CCND1: variants seen among roughly 807,000 people sequenced by gnomAD.
The protein encoded by CCND1 is G1/S-specific cyclin-D1.
Under a neutral mutation model 26.1 loss-of-function variants are expected in CCND1, and 9 were observed. The ratio of observed to expected loss-of-function variants is 0.35; its 90% confidence interval spans 0.21 to 0.60. CCND1 has a LOEUF of 0.60. Ranked by LOEUF, CCND1 falls within the 20% of genes least tolerant of loss-of-function variation. The probability of loss-of-function intolerance (pLI) is 0.79; values close to 1 mark genes in which losing one functional copy is unlikely to be tolerated. For synonymous variants in CCND1, 194 were observed against 166.1 expected, an observed-to-expected ratio of 1.17 and a Z score of -1.29; for missense variants, 335 against 392.9, an observed-to-expected ratio of 0.85 and a Z score of 1.25.
At position 69,653,204 on chromosome 11, in the gene CCND1, C is replaced by A. The variant is rs1490143659; in HGVS notation, c.*1922C>A. On this transcript the variant is annotated 3_prime_UTR_variant, in exon 5 of 5. Coordinates refer to ENST00000227507, the MANE Select transcript of CCND1 (RefSeq NM_053056.3). ...GGCTCCCGAGGGGAAGGGGCGGTGC[C>A]CACACCGGGGACAGGCCGCAGCTCC... is the stretch of plus-strand genomic sequence containing the variant. The A allele has an allele frequency of 1.5e-6, 1 of 688,882 alleles. No individual in the cohort carries two copies. The highest frequency in any genetic ancestry group is 2.6e-6 in the Non-Finnish European group (1 of 378,644). The allele number at this position is 688,882 out of a possible 1,614,324, so 42.7% of individuals were successfully genotyped here. A position where few individuals can be genotyped will look rare whatever the true frequency, so the allele number is the denominator to read the frequency against.
At chr11:69,648,852 C>T (rs776775497) in intron 4 of CCND1, among the ~76,000 whole-genome samples, 88 of 152,144 alleles carry the variant, frequency 5.8e-4, no homozygotes, top group Non-Finnish European at 3.4e-4. Context: ...GCCTGGGCCG[C>T]CTCTTGGTGG....
intron 3 of CCND1, among the ~76,000 whole-genome samples, chr11:69,646,241 G>A (rs531919820): frequency 4.6e-5 from 7 of 152,290 alleles, no homozygotes; most frequent in Admixed American, 1.3e-4. Flanking sequence ...CATGGCTCCC[G>A]GCTCTCAGAC....
rs563249317 is a variant in CCND1 at position 69,643,565 on chromosome 11, G to T, written c.415-267G>T. On this transcript the variant is annotated intron_variant, in intron 2 of 4. Transcript: ENST00000227507. ...GGCGCTGAGCCTCCAGTTCCAGGTG[G>T]TGGGAGGTCTTTTTGTTTCCACTTG... The T allele has an allele frequency of 8.9e-6, 4 of 450,906 alleles. No individual in the cohort carries two copies. In the East Asian group the frequency reaches 1.4e-4, roughly 16 times the overall value. 27.9% of individuals were successfully genotyped at this position (450,906 alleles called of 1,614,324 possible). A position where few individuals can be genotyped will look rare whatever the true frequency, so the allele number is the denominator to read the frequency against.
rs1209258531 is a variant in CCND1 at position 69,654,272 on chromosome 11, C to T, written c.*2990C>T. 5.7e-6 allele frequency: 4 copies of T among 702,566 alleles called. No homozygotes were observed. The highest frequency in any genetic ancestry group is 2.3e-4 in the Middle Eastern group (1 of 4,370). The allele number at this position is 702,566 out of a possible 1,614,324, so 43.5% of individuals were successfully genotyped here. On this transcript the variant is annotated 3_prime_UTR_variant, in exon 5 of 5. Transcript: ENST00000227507. The surrounding 1 kb of genome is among the most constrained non-coding windows in gnomAD (Gnocchi z 6.3). Reference sequence around the variant, plus strand: ...CTGGATGTTGTGTGTATCGAGAGGCCAAAGGCTGGTGGCAAGTGCACGGGG... The same window carrying T: ...CTGGATGTTGTGTGTATCGAGAGGCTAAAGGCTGGTGGCAAGTGCACGGGG...
At position 69,641,466 on chromosome 11, in the gene CCND1, G is replaced by C. The variant is rs772785280; in HGVS notation, c.153G>C (p.Glu51Asp). The C allele has an allele frequency of 6.2e-7, 1 of 1,613,404 alleles. No homozygotes were observed. The highest frequency in any genetic ancestry group is 8.5e-7 in the Non-Finnish European group (1 of 1,180,012). Residue 51 changes from glutamate (E) to aspartate (D), a missense_variant, in exon 1 of 5, where the codon GAG becomes GAC. By Grantham distance (45) the Glu-to-Asp change is conservative (BLOSUM62 2). Transcript: ENST00000227507. ...SVSYFKCVQK[E>D]VLPSMRKIVA... Reference sequence around the variant, plus strand: ...CCTACTTCAAATGTGTGCAGAAGGAGGTCCTGCCGTCCATGCGGAAGATCG... The same window carrying C: ...CCTACTTCAAATGTGTGCAGAAGGACGTCCTGCCGTCCATGCGGAAGATCG...
Position 69,652,749 on chromosome 11 carries a change from T to C in CCND1, c.*1467T>C, listed in dbSNP as rs559944633. 1.6e-4 allele frequency: 38 copies of C among 230,436 alleles called. No homozygotes were observed. Among genetic ancestry groups the C allele is most frequent in the Non-Finnish European group, 2.6e-4 (31 of 117,930 alleles). The allele number at this position is 230,436 out of a possible 1,614,324, so 14.3% of individuals were successfully genotyped here. A position where few individuals can be genotyped will look rare whatever the true frequency, so the allele number is the denominator to read the frequency against. ...TCATAAGGCCAGTATGATTTATAAA[T>C]GCAATCTCCCCTTGATTTAAACACA... On this transcript the variant is annotated 3_prime_UTR_variant, in exon 5 of 5. Transcript: ENST00000227507.
chr11:69,651,467 A>G lies in CCND1; in HGVS notation c.*185A>G, dbSNP rs967532519. On this transcript the variant is annotated 3_prime_UTR_variant, in exon 5 of 5. Coordinates refer to ENST00000227507, the MANE Select transcript of CCND1 (RefSeq NM_053056.3). The stretch of plus-strand genomic sequence containing the variant: ...TCCATCTCTGACTTAAGCAAAAGAA[A>G]AAGATTACCCAAAAACTGTCTTTAA... 2.1e-6 allele frequency: 1 copy of G among 481,982 alleles called. No homozygotes were observed. Among genetic ancestry groups the G allele is most frequent in the African/African-American group, 2.0e-5 (1 of 49,666 alleles). The allele number at this position is 481,982 out of a possible 1,614,324, so 29.9% of individuals were successfully genotyped here.
At chr11:69,643,444 G>A (rs1277345983) in intron 2 of CCND1, 198 bp downstream of exon 2, 17 of 487,004 alleles carry the variant, frequency 3.5e-5, no homozygotes, top group Non-Finnish European at 4.9e-5. Flanking sequence ...CCCTGTGTGC[G>A]CTTGCCTGCG....
chr11:69,647,479 G>C (rs1176412906), intron 3 of CCND1, among the ~76,000 whole-genome samples: 2 of 151,320 alleles, frequency 1.3e-5, no homozygotes, highest in Non-Finnish European at 3.0e-5. Flanking sequence ...CAGCCCCGTG[G>C]CCTGGCCCGG....
At chr11:69,649,065 C>T (rs1007407383) in intron 4 of CCND1, among the ~76,000 whole-genome samples, 7 of 152,344 alleles carry the variant, frequency 4.6e-5, no homozygotes, top group Middle Eastern at 3.4e-3. Context: ...TCTGTGTTCT[C>T]GGCCATGGCC....
rs1855901232 is a variant in CCND1 at position 69,654,330 on chromosome 11, TGAGGGTC to T, written c.*3049_*3055del. 2.8e-6 allele frequency: 2 copies of T among 702,434 alleles called. No individual in the cohort carries two copies. The highest frequency in any genetic ancestry group is 2.0e-5 in the Admixed American group (1 of 49,998). The allele number at this position is 702,434 out of a possible 1,614,324, so 43.5% of individuals were successfully genotyped here. ...GAGTCTGTCCTGTGACGCGCAAGTC[TGAGGGTC>T]TGGGCGGCGGGCGGCTGGGTCTGTG... On this transcript the variant is annotated 3_prime_UTR_variant, in exon 5 of 5. Coordinates refer to ENST00000227507, the MANE Select transcript of CCND1 (RefSeq NM_053056.3). This position sits in a 1 kb window ranked among gnomAD's most constrained non-coding sequence, Gnocchi z 6.3.
In CCND1 at chr11:69,651,327, G is replaced by A. The variant is rs1217235549; in HGVS notation, c.*45G>A. The A allele has an allele frequency of 2.8e-6, 4 of 1,412,822 alleles. No homozygotes were observed. Among genetic ancestry groups the A allele is most frequent in the Admixed American group, 6.2e-5 (2 of 32,342 alleles). 87.5% of individuals were successfully genotyped at this position (1,412,822 alleles called of 1,614,324 possible). On this transcript the variant is annotated 3_prime_UTR_variant, in exon 5 of 5. Transcript: ENST00000227507. ...GCCACCGCCACCCGCAGCGAGGGCG[G>A]AGCCGGCCCCAGGTGCTCCCCTGAC...
chr11:69,641,458 C>G lies in CCND1; in HGVS notation c.145C>G (p.Gln49Glu), dbSNP rs1855698868. The G allele has an allele frequency of 6.2e-7, 1 of 1,613,310 alleles. No homozygotes were observed. Among genetic ancestry groups the G allele is most frequent in the Non-Finnish European group, 8.5e-7 (1 of 1,180,028 alleles). Residue 49 changes from glutamine to glutamate, a missense_variant, in exon 1 of 5, where the codon CAG becomes GAG. By Grantham distance (29) the Gln-to-Glu change is conservative. Coordinates refer to ENST00000227507, the MANE Select transcript of CCND1 (RefSeq NM_053056.3). ...APSVSYFKCVQKEVLPSMRKI... is the reference protein window; with the variant it reads ...APSVSYFKCVEKEVLPSMRKI... ...CTCGGTGTCCTACTTCAAATGTGTG[C>G]AGAAGGAGGTCCTGCCGTCCATGCG...
rs764757265 is a variant in CCND1 at position 69,651,215 on chromosome 11, A to G, written c.821A>G (p.Glu274Gly). 1 of 1,604,150 alleles carries G rather than the reference A, an allele frequency of 6.2e-7. No individual in the cohort carries two copies. Among genetic ancestry groups the G allele is most frequent in the Admixed American group, 1.7e-5 (1 of 59,272 alleles). The change falls in exon 5 of 5, where the codon GAG (glutamate) becomes GGG (glycine). Residue 274 changes from glutamate (E) to glycine (G), a missense_variant. Glu to Gly is a moderately conservative substitution (Grantham distance 98). Transcript: ENST00000227507. ...ATGGACCCCAAGGCCGCCGAGGAGG[A>G]GGAAGAGGAGGAGGAGGAGGTGGAC... ...QNMDPKAAEE[E>G]EEEEEEVDLA...
intron 3 of CCND1, among the ~76,000 whole-genome samples, chr11:69,646,993 G>C (rs984882363): frequency 1.3e-5 from 2 of 152,142 alleles, no homozygotes; most frequent in African/African-American, 4.8e-5. Flanking sequence ...CTTGGAAGTG[G>C]GCCCAGATGT....
rs1170573426 is a variant in CCND1 at position 69,654,048 on chromosome 11, C to T, written c.*2766C>T. 2.3e-5 allele frequency: 14 copies of T among 602,818 alleles called. No individual in the cohort carries two copies. The highest frequency in any genetic ancestry group is 3.3e-5 in the Non-Finnish European group (11 of 337,886). The allele number at this position is 602,818 out of a possible 1,614,324, so 37.3% of individuals were successfully genotyped here. Reference sequence around the variant, plus strand: ...AACCAAAAGAATTTGCACCCCGCTGCGGGCCCACGTGGTTGGGGCCCTGCC... The same window carrying T: ...AACCAAAAGAATTTGCACCCCGCTGTGGGCCCACGTGGTTGGGGCCCTGCC... On this transcript the variant is annotated 3_prime_UTR_variant, in exon 5 of 5. Coordinates refer to ENST00000227507, the MANE Select transcript of CCND1 (RefSeq NM_053056.3). The surrounding 1 kb of genome is among the most constrained non-coding windows in gnomAD (Gnocchi z 6.3).
In CCND1 at chr11:69,643,893, A is replaced by G. The variant is rs749340325; in HGVS notation, c.476A>G (p.Asp159Gly). 1 of 1,613,622 alleles carries G rather than the reference A, an allele frequency of 6.2e-7. No individual in the cohort carries two copies. Residue 159 changes from aspartate (D) to glycine (G), a missense_variant, in exon 3 of 5, where the codon GAT becomes GGT. Asp to Gly is a moderately conservative substitution (Grantham distance 94). Coordinates refer to ENST00000227507, the MANE Select transcript of CCND1 (RefSeq NM_053056.3). Reference sequence around the variant, plus strand: ...AACCTGGCCGCAATGACCCCGCACGATTTCATTGAACACTTCCTCTCCAAA... The same window carrying G: ...AACCTGGCCGCAATGACCCCGCACGGTTTCATTGAACACTTCCTCTCCAAA... Reference protein sequence around the residue: ...KWNLAAMTPHDFIEHFLSKMP... With the variant: ...KWNLAAMTPHGFIEHFLSKMP...
rs56232834 is a variant in CCND1 at position 69,641,549 on chromosome 11, C to T, written c.198+38C>T. 1.9e-4 allele frequency: 304 copies of T among 1,596,134 alleles called. 1 individual carries two copies. The highest frequency in any genetic ancestry group is 4.0e-4 in the Admixed American group (24 of 59,880). On this transcript the variant is annotated intron_variant, in intron 1 of 4. Coordinates refer to ENST00000227507, the MANE Select transcript of CCND1 (RefSeq NM_053056.3). ...GGGCGGCTCTCTTAAGACTTCCCTG[C>T]AACTTGTTGCCCAGACCCACGTTTC...
In CCND1 at chr11:69,654,163, C is replaced by T; in HGVS notation, c.*2881C>T. On this transcript the variant is annotated 3_prime_UTR_variant, in exon 5 of 5. Coordinates refer to ENST00000227507, the MANE Select transcript of CCND1 (RefSeq NM_053056.3). This position sits in a 1 kb window ranked among gnomAD's most constrained non-coding sequence, Gnocchi z 6.3. ...AGAACACGGCTCACGCTTACCTCAA[C>T]CATCCTGGCTGCGGCGTCTGTCTGA... The T allele has an allele frequency of 3.8e-6, 2 of 532,364 alleles. No individual in the cohort carries two copies. Among genetic ancestry groups the T allele is most frequent in the South Asian group, 3.1e-5 (2 of 65,320 alleles). The allele number at this position is 532,364 out of a possible 1,614,324, so 33.0% of individuals were successfully genotyped here. A position where few individuals can be genotyped will look rare whatever the true frequency, so the allele number is the denominator to read the frequency against.
Sources: allele counts gnomAD v4.1 joint callset (sites outside exome capture counted in the v4.1 genomes callset), GRCh38; gene constraint gnomAD v4.1.1; non-coding constraint Gnocchi (gnomAD v3.1); transcripts MANE v1.5; gene names NCBI Gene and HGNC (gene_info 2026-07-23, HGNC 2026-07-21).